The following TASP1 variants were observed in gnomAD, a reference collection of about 807,000 sequenced individuals.
TASP1 encodes threonine aspartase 1.
Under a neutral mutation model 56.6 loss-of-function variants are expected in TASP1, and 16 were observed. That is an observed-to-expected ratio of 0.28 (90% CI 0.19 to 0.43). The LOEUF (loss-of-function observed/expected upper bound fraction) is 0.43. TASP1 is among the 20% of genes least tolerant of loss of function. TASP1 has a pLI of 1.00. For synonymous variants in TASP1, 179 were observed against 184.2 expected (o/e 0.97, Z 0.23); for missense variants, 393 against 511.6 (o/e 0.77, Z 2.24).
the TASP1 span, among the ~76,000 whole-genome samples, chr20:13,122,114 C>T: frequency 2.6e-5 from 4 of 152,204 alleles, no homozygotes; most frequent in African/African-American, 9.6e-5. Flanking sequence ...CCCTGGCCAC[C>T]TTTCCTCCAT....
the TASP1 span, among the ~76,000 whole-genome samples, chr20:13,179,496 G>T: frequency 2.0e-5 from 3 of 150,438 alleles, no homozygotes; most frequent in African/African-American, 7.3e-5. Flanking sequence ...CAACATACTG[G>T]AATAACTCAG....
At chr20:13,591,137 G>A (rs2047516560) in intron 4 of TASP1, among the ~76,000 whole-genome samples, 1 of 151,980 alleles carries the variant, frequency 6.6e-6, no homozygotes, top group South Asian at 2.1e-4. Flanking sequence ...GATCCAACAT[G>A]CACGTAACTG....
the TASP1 span, among the ~76,000 whole-genome samples, chr20:13,318,849 T>A: frequency 2.8e-4 from 42 of 152,292 alleles, 1 homozygote; most frequent in Non-Finnish European, 1.0e-4. Flanking sequence ...AGGAAAAAGA[T>A]CAATGGTTGC....
downstream of TASP1, among the ~76,000 whole-genome samples, chr20:13,386,897 G>A (rs2041166594): frequency 6.6e-6 from 1 of 152,124 alleles, no homozygotes; most frequent in Non-Finnish European, 1.5e-5. Context: ...GGTTCAGGGG[G>A]TACGTGTGCA....
chr20:13,508,866 G>A (rs1480292031), intron 10 of TASP1, among the ~76,000 whole-genome samples: 1 of 152,134 alleles, frequency 6.6e-6, no homozygotes, highest in Non-Finnish European at 1.5e-5. Flanking sequence ...TGGAGAAAAG[G>A]GAACCCTTGT....
intron 11 of TASP1, among the ~76,000 whole-genome samples, chr20:13,465,178 C>CAAAAAAAAAAAAAAAAAA (rs771255579): frequency 1.7e-5 from 1 of 57,250 alleles, no homozygotes; most frequent in African/African-American, 5.9e-5. Context: ...TTCTCTCTCC[C>CAAAAAAAAAAAAAAAAAA]AAAAAAAAAA....
At chr20:13,410,265 G>A (rs1460815069) in intron 13 of TASP1, among the ~76,000 whole-genome samples, 1 of 152,148 alleles carries the variant, frequency 6.6e-6, no homozygotes, top group Non-Finnish European at 1.5e-5. Flanking sequence ...TTGCTATTGT[G>A]AGTAGTGCTG....
At chr20:13,268,842 G>A in the TASP1 span, among the ~76,000 whole-genome samples, 1 of 152,142 alleles carries the variant, frequency 6.6e-6, no homozygotes, top group African/African-American at 2.4e-5. Flanking sequence ...TTGAGCCCAG[G>A]AGTCTGAGGT....
chr20:13,142,905 C>G, the TASP1 span, among the ~76,000 whole-genome samples: 1 of 151,516 alleles, frequency 6.6e-6, no homozygotes, highest in African/African-American at 2.4e-5. Context: ...TCAAATACCC[C>G]GCCTCTCTCT....
intron 4 of TASP1, among the ~76,000 whole-genome samples, chr20:13,588,599 T>C (rs1395950611): frequency 6.6e-6 from 1 of 152,122 alleles, no homozygotes; most frequent in African/African-American, 2.4e-5. Context: ...AGAAATACAT[T>C]TTTAAAAGAA....
intron 8 of TASP1, 93 bp from the exon 9 acceptor site, chr20:13,534,234 A>G: frequency 7.1e-7 from 1 of 1,410,406 alleles, no homozygotes; most frequent in Non-Finnish European, 9.4e-7. Flanking sequence ...TCATGACAGA[A>G]CAAAATCTAA....
chr20:13,137,475 AATAT>A, the TASP1 span, among the ~76,000 whole-genome samples: 208 of 152,134 alleles, frequency 1.4e-3, no homozygotes, highest in African/African-American at 4.8e-3. Flanking sequence ...ATGGTGTTAT[AATAT>A]ATATATTAAT....
chr20:13,557,511 A>C (rs2046199159), intron 8 of TASP1, among the ~76,000 whole-genome samples: 1 of 149,258 alleles, frequency 6.7e-6, no homozygotes, highest in African/African-American at 2.5e-5. Flanking sequence ...ACATGGGCAT[A>C]TATGTTTATA....
intron 11 of TASP1, among the ~76,000 whole-genome samples, chr20:13,446,551 G>A (rs1230848065): frequency 1.3e-5 from 2 of 151,992 alleles, no homozygotes; most frequent in Admixed American, 6.6e-5. Flanking sequence ...TTACTCCAAG[G>A]CCTATTCTAT....
At chr20:13,316,272 A>C in the TASP1 span, among the ~76,000 whole-genome samples, 1 of 151,994 alleles carries the variant, frequency 6.6e-6, no homozygotes, top group Admixed American at 6.6e-5. Context: ...AAAGGTCTAT[A>C]TCTATTAAGG....
chr20:13,625,596 C>T (rs1458884272), intron 2 of TASP1, among the ~76,000 whole-genome samples: 1 of 152,196 alleles, frequency 6.6e-6, no homozygotes, highest in East Asian at 1.9e-4. Context: ...GGGACAGGGT[C>T]CCTCCGGGTT....
chr20:13,569,732 G>A (rs1049458162), intron 6 of TASP1, 146 bp from the exon 7 acceptor site: 3 of 611,442 alleles, frequency 4.9e-6, no homozygotes, highest in Non-Finnish European at 5.3e-6. Context: ...TAAGATGACT[G>A]CATGCTAAAA....
At chr20:13,192,490 T>C in the TASP1 span, among the ~76,000 whole-genome samples, 1 of 152,102 alleles carries the variant, frequency 6.6e-6, no homozygotes, top group Non-Finnish European at 1.5e-5. Flanking sequence ...CAGTGAGCTC[T>C]GATCAATGCA....
intron 13 of TASP1, among the ~76,000 whole-genome samples, chr20:13,395,309 A>G (rs555207423): frequency 6.6e-6 from 1 of 152,368 alleles, no homozygotes; most frequent in South Asian, 2.1e-4. Flanking sequence ...CCTGGAAAGC[A>G]GGACTCTAGC....
Sources: allele counts gnomAD v4.1 joint callset (sites outside exome capture counted in the v4.1 genomes callset), GRCh38; gene constraint gnomAD v4.1.1; transcripts MANE v1.5; gene names NCBI Gene and HGNC (gene_info 2026-07-23, HGNC 2026-07-21).